COL4A1: variants seen among roughly 807,000 people sequenced by gnomAD.
COL4A1 encodes the protein collagen type IV alpha 1 chain.
Under a neutral mutation model 216.6 loss-of-function variants are expected in COL4A1, and 40 were observed. The observed-to-expected ratio is 0.18, with a 90% confidence interval of 0.14 to 0.24. The LOEUF (loss-of-function observed/expected upper bound fraction) is 0.24, where lower values mean the gene tolerates loss of function less well. Among genes scored for constraint, COL4A1 ranks in the 10% least tolerant of loss-of-function variants. COL4A1 has a pLI of 1.00. For synonymous variants in COL4A1, 839 were observed against 810.7 expected (o/e 1.03, Z -0.59); for missense variants, 1,628 against 2,196.8 (o/e 0.74, Z 5.18).
chr13:110,304,106 G>A (rs1884597670), intron 1 of COL4A1, among the ~76,000 whole-genome samples: 1 of 152,018 alleles, frequency 6.6e-6, no homozygotes, highest in African/African-American at 2.4e-5. Context: ...TCTTCTGGTT[G>A]GTCTTAAAGT....
At chr13:110,205,987 AC>A (rs1271229765) in intron 15 of COL4A1, among the ~76,000 whole-genome samples, 7 of 152,204 alleles carry the variant, frequency 4.6e-5, no homozygotes, top group Non-Finnish European at 1.0e-4. Context: ...ATGTAAGTTG[AC>A]AATACCACAA....
chr13:110,248,150 C>A (rs539605933), intron 1 of COL4A1, among the ~76,000 whole-genome samples: 1 of 152,188 alleles, frequency 6.6e-6, no homozygotes, highest in Non-Finnish European at 1.5e-5. Context: ...GGTGATACTG[C>A]CGTCGAGGGC....
chr13:110,306,870 C>T (rs879651036), intron 1 of COL4A1, 74 bp downstream of exon 1: 2 of 1,348,940 alleles, frequency 1.5e-6, no homozygotes, highest in Non-Finnish European at 9.6e-7. Context: ...CGGGTCCAGG[C>T]GCGGACAAAG....
chr13:110,200,820 AG>A (rs1464753711), intron 20 of COL4A1, 33 bp downstream of exon 20: 1 of 1,607,638 alleles, frequency 6.2e-7, no homozygotes, highest in South Asian at 1.1e-5. Context: ...AAGGTGTGCA[AG>A]TATGCTATAA....
intron 18 of COL4A1, 58 bp downstream of exon 18, chr13:110,203,491 TGCTCTCACAGACCCAGG>T: frequency 6.6e-7 from 1 of 1,515,268 alleles, no homozygotes; most frequent in Non-Finnish European, 9.2e-7. Context: ...CTCCCCCCAG[TGCTCTCACAGACCCAGG>T]GTCCTCTCCT....
intron 10 of COL4A1, chr13:110,209,772 A>T (rs1016696156): frequency 1.7e-5 from 13 of 778,230 alleles, no homozygotes; most frequent in Non-Finnish European, 3.0e-5. Flanking sequence ...AGTTTATGGT[A>T]CTATCATCAT....
chr13:110,205,307 G>A (rs1181260023), intron 17 of COL4A1, 46 bp downstream of exon 17: 2 of 1,608,466 alleles, frequency 1.2e-6, no homozygotes, highest in Non-Finnish European at 8.5e-7. Context: ...CTTCTGGGTT[G>A]AATTGGAAAG....
At chr13:110,165,039 G>T in intron 45 of COL4A1, 49 bp from the exon 46 acceptor site, 1 of 1,576,032 alleles carries the variant, frequency 6.3e-7, no homozygotes. Context: ...CACATACTGG[G>T]GCGGAAACAA....
chr13:110,212,144 C>T (rs981799729), intron 6 of COL4A1, among the ~76,000 whole-genome samples: 3 of 152,100 alleles, frequency 2.0e-5, no homozygotes, highest in South Asian at 2.1e-4. Flanking sequence ...CATTTTCTTA[C>T]GTGATGTAGT....
At position 110,291,926 on chromosome 13, in the gene COL4A1, G is replaced by A. The variant is rs531184166; in HGVS notation, c.84+15018C>T. Among the ~76,000 whole-genome samples, 10 of 152,330 alleles carry A rather than the reference G, an allele frequency of 6.6e-5. No individual in the cohort carries two copies. The South Asian group carries it at 2.1e-3, about 32-fold the overall frequency. The stretch of plus-strand genomic sequence containing the variant: ...CTACATGGCGATGCTCAGATACTGT[G>A]CCATCCCTGGAGGGGCATGGAGAAA... On this transcript the variant is annotated intron_variant, in intron 1 of 51. Transcript: ENST00000375820.
chr13:110,154,180 T>C (rs1328055154), intron 50 of COL4A1, among the ~76,000 whole-genome samples: 1 of 152,206 alleles, frequency 6.6e-6, no homozygotes, highest in Non-Finnish European at 1.5e-5. Flanking sequence ...ATGGTGCAGA[T>C]GTATGTGTAG....
At chr13:110,240,622 G>GA (rs1449570842) in intron 2 of COL4A1, among the ~76,000 whole-genome samples, 1 of 152,262 alleles carries the variant, frequency 6.6e-6, no homozygotes, top group Non-Finnish European at 1.5e-5. Flanking sequence ...GCAATGTTGA[G>GA]ATGAAATGTT....
chr13:110,213,950 C>T lies in COL4A1; in HGVS notation c.210G>A (p.Gly70=), dbSNP rs540373771. ...IGFPGMQGPE[G]PQGPPGQKGD... ...CCTTTTGTCCTGGTGGTCCCTGTGG[C>T]CCCTCAGGTCCTTGCATTCCAGGAA... is the stretch of plus-strand genomic sequence containing the variant. Residue 70 remains glycine (G), a synonymous_variant, in exon 3 of 52, where the codon GGG becomes GGA. Coordinates refer to ENST00000375820, the MANE Select transcript of COL4A1 (RefSeq NM_001845.6). The T allele has an allele frequency of 1.2e-6, 2 of 1,614,050 alleles. No homozygotes were observed. Among genetic ancestry groups the T allele is most frequent in the Non-Finnish European group, 1.7e-6 (2 of 1,180,002 alleles).
At chr13:110,184,510 C>T (rs776353440) in intron 26 of COL4A1, among the ~76,000 whole-genome samples, 8 of 152,146 alleles carry the variant, frequency 5.3e-5, no homozygotes, top group African/African-American at 9.7e-5. Flanking sequence ...ATTTCTGGGA[C>T]GCTTCTAAAC....
At chr13:110,275,836 T>G (rs1180381927) in intron 1 of COL4A1, among the ~76,000 whole-genome samples, 1 of 151,958 alleles carries the variant, frequency 6.6e-6, no homozygotes. Context: ...AAGACAACTA[T>G]AAGAGAGTCT....
At position 110,174,679 on chromosome 13, in the gene COL4A1, G is replaced by A. The variant is rs1270251920; in HGVS notation, c.3269C>T (p.Pro1090Leu). 4 of 1,613,818 alleles carry A rather than the reference G, an allele frequency of 2.5e-6. No homozygotes were observed. In the East Asian group the frequency reaches 8.9e-5, roughly 36 times the overall value. ...EKGEKGSIGI[P>L]GMPGSPGLKG... ...AAGGCCTGGGGACCCTGGCATTCCTGGGATCCCAATGCTTCCTTTTTCTCC... is the reference window on the plus strand; with the variant it reads ...AAGGCCTGGGGACCCTGGCATTCCTAGGATCCCAATGCTTCCTTTTTCTCC... Residue 1090 changes from proline to leucine, a missense_variant, in exon 38 of 52, where the codon CCA becomes CTA. Pro to Leu is a moderately conservative substitution (Grantham distance 98, BLOSUM62 -3). Transcript: ENST00000375820.
At chr13:110,272,827 G>A (rs945217141) in intron 1 of COL4A1, among the ~76,000 whole-genome samples, 5 of 152,212 alleles carry the variant, frequency 3.3e-5, no homozygotes, top group Non-Finnish European at 5.9e-5. Flanking sequence ...TACTATGGAA[G>A]TATGATGTGG....
At chr13:110,209,033 G>C (rs1263526377) in intron 11 of COL4A1, 143 bp from the exon 12 acceptor site, 11 of 912,780 alleles carry the variant, frequency 1.2e-5, no homozygotes, top group Non-Finnish European at 1.6e-5. Flanking sequence ...TTTCTGGAAA[G>C]TAACGATCAT....
chr13:110,253,698 A>ATATG (rs756181406), intron 1 of COL4A1, among the ~76,000 whole-genome samples: 1,886 of 107,498 alleles, frequency 0.018, 53 homozygotes, highest in Non-Finnish European at 0.019. Flanking sequence ...ACATATAATT[A>ATATG]TACGTATGTA....
Sources: gnomAD v4.1 joint callset for allele counts (sites outside exome capture counted in the v4.1 genomes callset) on GRCh38, gnomAD v4.1.1 for gene constraint, MANE v1.5 for transcripts, NCBI Gene and HGNC (gene_info 2026-07-23, HGNC 2026-07-21) for gene names.